BEND7: variants seen among roughly 807,000 people sequenced by gnomAD.
BEND7 encodes BEN domain-containing protein 7.
Under a neutral mutation model 50.9 loss-of-function variants are expected in BEND7, and 28 were observed. That is an observed-to-expected ratio of 0.55 (90% CI 0.41 to 0.75). The LOEUF is 0.75. BEND7 is among the 30% of genes least tolerant of loss of function. The pLI is 0.00. For missense variants in BEND7, 477 were observed against 491.3 expected (o/e 0.97, Z 0.28); for synonymous variants, 170 against 183.9 (o/e 0.92, Z 0.61).
At chr10:13,472,530 C>T (rs1373836596) in intron 6 of BEND7, among the ~76,000 whole-genome samples, 5 of 150,378 alleles carry the variant, frequency 3.3e-5, no homozygotes, top group Non-Finnish European at 5.9e-5. Context: ...GGGGCTGGTA[C>T]CCGTCATCGC....
rs149813774 is a variant in BEND7 at position 13,463,751 on chromosome 10, C to T, written c.1064-11093G>A. On this transcript the variant is annotated intron_variant, in intron 6 of 8. Coordinates refer to ENST00000466271, the MANE Select transcript of BEND7 (RefSeq NM_001369863.1). ...CCATCTGCCTGTCAAATCTCAACTT[C>T]GGTAAGATAAAAGACATTGTAGGCA... is the stretch of plus-strand genomic sequence containing the variant. Among the ~76,000 whole-genome samples the T allele has an allele frequency of 2.4e-4, 36 of 152,122 alleles. No homozygotes were observed. In the East Asian group the frequency reaches 5.2e-3, roughly 22 times the overall value.
chr10:13,446,984 C>A, intron 8 of BEND7: 1 of 438,864 alleles, frequency 2.3e-6, no homozygotes, highest in Admixed American at 4.3e-5. Context: ...TTGTAATGTC[C>A]AAAGGTTTGG....
intron 5 of BEND7, among the ~76,000 whole-genome samples, chr10:13,488,438 G>A (rs987920425): frequency 6.6e-6 from 1 of 152,042 alleles, no homozygotes; most frequent in Non-Finnish European, 1.5e-5. Context: ...CTCAGTATTG[G>A]TAGAGTATTG....
chr10:13,463,382 A>G (rs551968351), intron 6 of BEND7, among the ~76,000 whole-genome samples: 1 of 152,344 alleles, frequency 6.6e-6, no homozygotes, highest in South Asian at 2.1e-4. Flanking sequence ...TAAGATCTTA[A>G]GAATTATTAC....
rs58488330 is a variant in BEND7, at chr10:13,527,726, T to A, written c.61+747A>T. 1,101 of 523,896 alleles carry A rather than the reference T, an allele frequency of 2.1e-3. 18 individuals carry two copies. In the African/African-American group the frequency reaches 0.022, roughly 10 times the overall value. 32.5% of individuals were successfully genotyped at this position (523,896 alleles called of 1,614,324 possible). A position where few individuals can be genotyped will look rare whatever the true frequency, so the allele number is the denominator to read the frequency against. Reference sequence around the variant, plus strand: ...GATGGCTCTTGAGTTATCATTTTTTTAAAAAAAAAAGTCAAATCAGGAAGA... The same window carrying A: ...GATGGCTCTTGAGTTATCATTTTTTAAAAAAAAAAAGTCAAATCAGGAAGA... On this transcript the variant is annotated intron_variant, in intron 1 of 8. Transcript: ENST00000466271.
At chr10:13,438,735 G>A (rs1835027748), downstream of BEND7, 2 of 161,858 alleles carry the variant, frequency 1.2e-5, no homozygotes, top group African/African-American at 4.8e-5. Flanking sequence ...GAAGAGCACT[G>A]AGGGGGCGGT....
chr10:13,467,900 T>C (rs1263489268), intron 6 of BEND7, among the ~76,000 whole-genome samples: 1 of 152,220 alleles, frequency 6.6e-6, no homozygotes, highest in Non-Finnish European at 1.5e-5. Flanking sequence ...TCATTAGTTA[T>C]GTGAGTGGTG....
chr10:13,468,109 G>A (rs181944956), intron 6 of BEND7, among the ~76,000 whole-genome samples: 26 of 152,280 alleles, frequency 1.7e-4, no homozygotes, highest in Non-Finnish European at 3.5e-4. Flanking sequence ...ACCCTCAGGA[G>A]TGTCCCAGTG....
In BEND7 at chr10:13,528,426, G is replaced by T. The variant is rs1440008034; in HGVS notation, c.61+47C>A. ...AGCGTGGACCCCCGCGGGCGGCCGAGGGCGCGGCGCCCGCTGCCTGCCCCC... is the reference window on the plus strand; with the variant it reads ...AGCGTGGACCCCCGCGGGCGGCCGATGGCGCGGCGCCCGCTGCCTGCCCCC... On this transcript the variant is annotated intron_variant, in intron 1 of 8. Coordinates refer to ENST00000466271, the MANE Select transcript of BEND7 (RefSeq NM_001369863.1). The T allele has an allele frequency of 5.2e-6, 5 of 954,516 alleles. No homozygotes were observed. In the East Asian group the frequency reaches 4.4e-4, roughly 84 times the overall value. 59.1% of individuals were successfully genotyped at this position (954,516 alleles called of 1,614,324 possible).
At chr10:13,522,075 A>G (rs940634222) in intron 2 of BEND7, among the ~76,000 whole-genome samples, 1 of 152,210 alleles carries the variant, frequency 6.6e-6, no homozygotes, top group Middle Eastern at 3.2e-3. Context: ...TGAACTGAAT[A>G]TTAAAAAGAA....
chr10:13,453,901 C>T (rs186029924), intron 6 of BEND7, among the ~76,000 whole-genome samples: 1 of 152,308 alleles, frequency 6.6e-6, no homozygotes. Flanking sequence ...GGTAATCTTA[C>T]TCCTGGAAAT....
rs17153285 is a variant in BEND7, at chr10:13,448,059, G to C, written c.1184-743C>G. Among the ~76,000 whole-genome samples the C allele has an allele frequency of 7.7e-3, 1,179 of 152,242 alleles. 11 individuals carry two copies. Among genetic ancestry groups the C allele is most frequent in the African/African-American group, 0.027 (1,128 of 41,536 alleles). ...TCCTAGAACTGCCAATCTAACTCTG[G>C]CATTAACGTGGTCATGAAGAAGGAA... On this transcript the variant is annotated intron_variant, in intron 7 of 8. Coordinates refer to ENST00000466271, the MANE Select transcript of BEND7 (RefSeq NM_001369863.1).
intron 2 of BEND7, among the ~76,000 whole-genome samples, chr10:13,512,388 C>CA (rs2078338506): frequency 6.6e-6 from 1 of 152,186 alleles, no homozygotes; most frequent in Non-Finnish European, 1.5e-5. Context: ...ATGAAACACA[C>CA]AGCAAAAGTC....
chr10:13,469,972 A>G (rs552236830), intron 6 of BEND7, among the ~76,000 whole-genome samples: 3 of 152,330 alleles, frequency 2.0e-5, no homozygotes, highest in South Asian at 2.1e-4. Flanking sequence ...GAATTGGAAC[A>G]CTTGCTAGAT....
chr10:13,526,631 A>G (rs1243321362), intron 1 of BEND7, among the ~76,000 whole-genome samples: 1 of 152,174 alleles, frequency 6.6e-6, no homozygotes, highest in African/African-American at 2.4e-5. Context: ...CCAGCACTCT[A>G]GTTTTCTCAG....
rs183894974 is a variant in BEND7, at chr10:13,524,215, G to A, written c.145+1923C>T. On this transcript the variant is annotated intron_variant, in intron 2 of 8. Coordinates refer to ENST00000466271, the MANE Select transcript of BEND7 (RefSeq NM_001369863.1). ...TCTAGTAGTACACAACAGAAAGTGCGGGAAAGCCTGCCTTGCTGGAGAACT... is the reference window on the plus strand; with the variant it reads ...TCTAGTAGTACACAACAGAAAGTGCAGGAAAGCCTGCCTTGCTGGAGAACT... 4.7e-4 allele frequency among the ~76,000 whole-genome samples: 71 copies of A among 152,284 alleles called. No individual in the cohort carries two copies. The East Asian group carries it at 0.013, about 27-fold the overall frequency.
At chr10:13,525,845 T>C (rs184936049) in intron 2 of BEND7, among the ~76,000 whole-genome samples, 1 of 152,112 alleles carries the variant, frequency 6.6e-6, no homozygotes, top group Non-Finnish European at 1.5e-5. Flanking sequence ...GAATATGCAA[T>C]GTAAATGGGG....
Position 13,492,975 on chromosome 10 carries a change from C to T in BEND7, c.572-99G>A, listed in dbSNP as rs968605663. ...TGTGATCTACAAACTGAAACCGAAA[C>T]GAGGAAAACTCCAGGATGAAGCACA... On this transcript the variant is annotated intron_variant, in intron 4 of 8. Transcript: ENST00000466271. 15 of 1,368,284 alleles carry T rather than the reference C, an allele frequency of 1.1e-5. No individual in the cohort carries two copies. In the East Asian group the frequency reaches 1.4e-4, roughly 13 times the overall value. The allele number at this position is 1,368,284 out of a possible 1,614,324, so 84.8% of individuals were successfully genotyped here.
Position 13,485,886 on chromosome 10 carries a change from AT to A in BEND7, c.838-4763del, listed in dbSNP as rs2076190428. Among the ~76,000 whole-genome samples the A allele has an allele frequency of 2.0e-5, 3 of 152,200 alleles. No homozygotes were observed. In the Middle Eastern group the frequency reaches 0.01, roughly 518 times the overall value. ...CATTTATTTTCTATTTTTAAATTTT[AT>A]TTTTATTTTTTAGAGACAGGATCTC... On this transcript the variant is annotated intron_variant, in intron 5 of 8. Coordinates refer to ENST00000466271, the MANE Select transcript of BEND7 (RefSeq NM_001369863.1).
Sources: gnomAD v4.1 joint callset for allele counts (sites outside exome capture counted in the v4.1 genomes callset) on GRCh38, gnomAD v4.1.1 for gene constraint, MANE v1.5 for transcripts, NCBI Gene and HGNC (gene_info 2026-07-23, HGNC 2026-07-21) for gene names.